APPL2: variants seen among roughly 807,000 people sequenced by gnomAD.
APPL2 encodes the protein DCC-interacting protein 13-beta.
A neutral mutation model predicts 92.7 loss-of-function variants in APPL2; 84 were observed. The ratio of observed to expected loss-of-function variants is 0.91; its 90% CI spans 0.76 to 1.09. APPL2 has a LOEUF of 1.09. APPL2 is among the 50% of genes least tolerant of loss of function. The pLI, the probability that APPL2 is intolerant of heterozygous loss-of-function variation, is 0.00. For missense variants in APPL2, 736 were observed against 824.5 expected (o/e 0.89, Z 1.31); for synonymous variants, 291 against 291.0 (o/e 1.00, Z 0.00).
intron 1 of APPL2, among the ~76,000 whole-genome samples, chr12:105,229,444 C>G (rs968056543): frequency 1.3e-5 from 2 of 152,130 alleles, no homozygotes; most frequent in Non-Finnish European, 1.5e-5. Context: ...AGTGTCAGGG[C>G]AATTTCAGAA....
intron 2 of APPL2, among the ~76,000 whole-genome samples, chr12:105,227,135 A>AT (rs1201261863): frequency 6.3e-5 from 1 of 15,758 alleles, no homozygotes; most frequent in African/African-American, 6.6e-4. Context: ...AATTAAAAAT[A>AT]AAAAAAAAAG....
chr12:105,203,954 GA>G (rs1383058065), intron 8 of APPL2, among the ~76,000 whole-genome samples, 169 bp from the exon 9 acceptor site: 1 of 152,232 alleles, frequency 6.6e-6, no homozygotes, highest in Non-Finnish European at 1.5e-5. Flanking sequence ...TATGCACTTT[GA>G]AACTGAAACC....
rs780047811 is a variant in APPL2 at position 105,195,511 on chromosome 12, A to C, written c.1096-10T>G. The C allele has an allele frequency of 3.7e-6, 6 of 1,614,106 alleles. No homozygotes were observed. The South Asian group carries it at 6.6e-5, about 18-fold the overall frequency. On this transcript the variant is annotated splice_polypyrimidine_tract_variant and intron_variant, in intron 12 of 20. Transcript: ENST00000258530. ...TTATTGCACATATCCACTGTAGAGG[A>C]CATTAAAAAAGAACACTGAATCCCA...
chr12:105,182,869 A>G (rs376852560), intron 17 of APPL2, among the ~76,000 whole-genome samples: 1 of 152,236 alleles, frequency 6.6e-6, no homozygotes, highest in Admixed American at 6.5e-5. Context: ...GTCTCCCAAT[A>G]TTATTGTGTG....
At chr12:105,195,680 G>C in intron 11 of APPL2, 53 bp from the exon 12 acceptor site, 2 of 1,595,296 alleles carry the variant, frequency 1.3e-6, no homozygotes, top group Non-Finnish European at 1.7e-6. Flanking sequence ...CAGTGACTGG[G>C]AATTTCTCTA....
chr12:105,185,610 G>T (rs1402433711), intron 17 of APPL2, among the ~76,000 whole-genome samples: 1 of 151,868 alleles, frequency 6.6e-6, no homozygotes, highest in Non-Finnish European at 1.5e-5. Context: ...AGATAAGCTG[G>T]GTACCGCAGT....
intron 17 of APPL2, among the ~76,000 whole-genome samples, chr12:105,184,508 C>T (rs1322724101): frequency 6.6e-6 from 1 of 152,180 alleles, no homozygotes; most frequent in Non-Finnish European, 1.5e-5. Context: ...TTCCTTCAGG[C>T]CCCTCTTCTG....
intron 5 of APPL2, among the ~76,000 whole-genome samples, chr12:105,209,095 G>A (rs541589063): frequency 6.6e-6 from 1 of 151,982 alleles, no homozygotes; most frequent in Middle Eastern, 3.4e-3. Context: ...TTTATTTCCT[G>A]TTGGAGTCAA....
At chr12:105,183,746 C>T (rs561398757) in intron 17 of APPL2, among the ~76,000 whole-genome samples, 11 of 152,178 alleles carry the variant, frequency 7.2e-5, no homozygotes, top group Non-Finnish European at 1.2e-4. Flanking sequence ...TGGGGTTGCT[C>T]TTCTCGAGGA....
At chr12:105,207,020 A>G in intron 8 of APPL2, 41 bp downstream of exon 8, 1 of 1,597,806 alleles carries the variant, frequency 6.3e-7, no homozygotes, top group Non-Finnish European at 8.5e-7. Context: ...AGAACGCCAC[A>G]GCTAGCTTAG....
intron 5 of APPL2, among the ~76,000 whole-genome samples, chr12:105,210,108 G>A (rs1889088836): frequency 6.6e-6 from 1 of 152,122 alleles, no homozygotes; most frequent in Non-Finnish European, 1.5e-5. Flanking sequence ...CTACAGGCAT[G>A]CGCCACCATG....
intron 2 of APPL2, among the ~76,000 whole-genome samples, chr12:105,220,986 T>C (rs990633186): frequency 6.6e-6 from 1 of 152,224 alleles, no homozygotes; most frequent in Non-Finnish European, 1.5e-5. Flanking sequence ...GTGCAGCCAG[T>C]ATGAGTTCAT....
intron 2 of APPL2, among the ~76,000 whole-genome samples, chr12:105,224,938 C>A (rs576034026): frequency 2.0e-5 from 3 of 152,056 alleles, no homozygotes; most frequent in Non-Finnish European, 2.9e-5. Context: ...CTGTCTTTAC[C>A]CCAATTTGAG....
intron 3 of APPL2, among the ~76,000 whole-genome samples, 159 bp from the exon 4 acceptor site, chr12:105,217,299 C>T (rs549880374): frequency 2.0e-5 from 3 of 152,284 alleles, no homozygotes; most frequent in Non-Finnish European, 4.4e-5. Flanking sequence ...CACAGCTATC[C>T]CCTTTGTCCT....
At chr12:105,197,574 A>G (rs1375701761) in intron 11 of APPL2, among the ~76,000 whole-genome samples, 191 bp downstream of exon 11, 1 of 152,246 alleles carries the variant, frequency 6.6e-6, no homozygotes, top group Admixed American at 6.5e-5. Flanking sequence ...GGGATAAGGC[A>G]GGCTGGATCC....
chr12:105,235,376 A>G (rs920529980), intron 1 of APPL2: 1 of 152,108 alleles, frequency 6.6e-6, no homozygotes, highest in African/African-American at 2.4e-5. Flanking sequence ...TTTTCTCTTC[A>G]CTAATGGGAA....
chr12:105,203,166 C>T (rs1888375700), intron 9 of APPL2, among the ~76,000 whole-genome samples: 1 of 152,216 alleles, frequency 6.6e-6, no homozygotes. Context: ...GGGCCCCCCT[C>T]AGAGCTCTGT....
At chr12:105,184,644 C>G (rs1449077353) in intron 17 of APPL2, among the ~76,000 whole-genome samples, 1 of 152,226 alleles carries the variant, frequency 6.6e-6, no homozygotes, top group African/African-American at 2.4e-5. Flanking sequence ...CCCAGAAGGG[C>G]ACCCACCAGA....
At chr12:105,222,665 A>G (rs1030899546) in intron 2 of APPL2, among the ~76,000 whole-genome samples, 13 of 152,130 alleles carry the variant, frequency 8.5e-5, no homozygotes, top group African/African-American at 2.9e-4. Flanking sequence ...CTACCTACCA[A>G]ACACTGAATG....
Sources: allele counts gnomAD v4.1 joint callset (sites outside exome capture counted in the v4.1 genomes callset), GRCh38; gene constraint gnomAD v4.1.1; transcripts MANE v1.5; gene names NCBI Gene and HGNC (gene_info 2026-07-23, HGNC 2026-07-21).